LUM: variants seen among roughly 807,000 people sequenced by gnomAD.
LUM encodes KSPG lumican.
Under a neutral mutation model 20.5 loss-of-function variants are expected in LUM, and 13 were observed. That is an observed-to-expected ratio of 0.63 (90% CI 0.41 to 1.01). LUM has a LOEUF of 1.01. LUM is among the 50% of genes least tolerant of loss of function. The probability of loss-of-function intolerance (pLI) is 0.00; values close to 1 mark genes in which losing one functional copy is unlikely to be tolerated. For missense variants in LUM, 321 were observed against 391.1 expected (o/e 0.82, Z 1.51); for synonymous variants, 173 against 151.5 (o/e 1.14, Z -1.04).
intron 2 of LUM, 120 bp from the exon 3 acceptor site, chr12:91,104,439 A>G (rs1879986678): frequency 5.9e-6 from 4 of 675,368 alleles, no homozygotes; most frequent in Non-Finnish European, 9.6e-6. Context: ...AAAAGTCATA[A>G]TATAGTATAT....
chr12:91,107,297 G>GAAAGAA, intron 2 of LUM, among the ~76,000 whole-genome samples: 1 of 104,444 alleles, frequency 9.6e-6, no homozygotes, highest in South Asian at 3.3e-4. Flanking sequence ...GAGAAAGAAA[G>GAAAGAA]AAAGAAAGAA....
intron 1 of LUM, among the ~76,000 whole-genome samples, chr12:91,110,618 A>G (rs1880183977): frequency 6.6e-6 from 1 of 152,180 alleles, no homozygotes; most frequent in Non-Finnish European, 1.5e-5. Context: ...TTTTAAATTT[A>G]CTATACACCA....
At chr12:91,107,965 G>A (rs1036006957) in intron 2 of LUM, among the ~76,000 whole-genome samples, 153 bp downstream of exon 2, 2 of 151,826 alleles carry the variant, frequency 1.3e-5, no homozygotes, top group African/African-American at 4.8e-5. Flanking sequence ...CGCCCACTTC[G>A]GCCTCCCAAA....
At position 91,103,669 on chromosome 12, in the gene LUM, G is replaced by T. The variant is rs2121038744; in HGVS notation, c.*496C>A. ...TAGAAAAGTTTCACTAGGTAAGTAT[G>T]CAAATTCTTATTCTAAAAATACTTC... On this transcript the variant is annotated 3_prime_UTR_variant, in exon 3 of 3. Transcript: ENST00000266718. 6.6e-6 allele frequency: 1 copy of T among 152,400 alleles called. No homozygotes were observed. Among genetic ancestry groups the T allele is most frequent in the South Asian group, 2.1e-4 (1 of 4,840 alleles). The allele number at this position is 152,400 out of a possible 1,614,324, so 9.4% of individuals were successfully genotyped here.
chr12:91,111,027 CT>C (rs1436266109), intron 1 of LUM, among the ~76,000 whole-genome samples: 1 of 152,066 alleles, frequency 6.6e-6, no homozygotes, highest in Non-Finnish European at 1.5e-5. Flanking sequence ...ATTTTGAATG[CT>C]GATTAAAATG....
At chr12:91,110,886 C>T (rs1276642500) in intron 1 of LUM, among the ~76,000 whole-genome samples, 1 of 152,044 alleles carries the variant, frequency 6.6e-6, no homozygotes, top group Non-Finnish European at 1.5e-5. Flanking sequence ...ATCCAAGAAA[C>T]AAATTTTTTA....
rs17853500 is a variant in LUM, at chr12:91,108,473, A to G, written c.507T>C (p.Asn169=). The change falls in exon 2 of 3, where the codon AAT becomes AAC. Residue 169 remains asparagine, a synonymous_variant. Coordinates refer to ENST00000266718, the MANE Select transcript of LUM (RefSeq NM_002345.4). The surrounding 1 kb of genome is among the most constrained non-coding windows in gnomAD (Gnocchi z 4.2). ...CTGAAACAGCATCCTCTTTCAGCCG[A>G]TTGTGCTGGAGATGGATGAAGGTCA... ...VNLTFIHLQH[N]RLKEDAVSAA... 49,511 of 1,614,026 alleles carry G rather than the reference A, an allele frequency of 0.031. 2,123 individuals are homozygous for G. The highest frequency in any genetic ancestry group is 0.24 in the East Asian group (10,561 of 44,840).
chr12:91,106,888 G>T (rs1880045842), intron 2 of LUM, among the ~76,000 whole-genome samples: 1 of 151,792 alleles, frequency 6.6e-6, no homozygotes, highest in African/African-American at 2.4e-5. Flanking sequence ...GAGACTATAT[G>T]GGGCCAGGCA....
chr12:91,107,964 C>T (rs2121050960), intron 2 of LUM, among the ~76,000 whole-genome samples, 154 bp downstream of exon 2: 1 of 152,122 alleles, frequency 6.6e-6, no homozygotes, highest in South Asian at 2.1e-4. Flanking sequence ...CCGCCCACTT[C>T]GGCCTCCCAA....
intron 1 of LUM, among the ~76,000 whole-genome samples, chr12:91,109,673 C>T (rs1880160705): frequency 6.6e-6 from 1 of 152,112 alleles, no homozygotes. Context: ...TAGCTATTTA[C>T]TAAACAAAAT....
In LUM at chr12:91,108,520, A is replaced by G; in HGVS notation, c.460T>C (p.Ser154Pro). ...LTHNKITKLGSFEGLVNLTFI... is the reference protein window; with the variant it reads ...LTHNKITKLGPFEGLVNLTFI... ...GTCAGGTTTACCAATCCTTCAAAAG[A>G]GCCCAGCTTTGTGATCTTGTTATGA... The change falls in exon 2 of 3, where the codon TCT (serine) becomes CCT (proline). Residue 154 changes from serine (S) to proline (P), a missense_variant. By Grantham distance (74) the Ser-to-Pro change is moderately conservative. Coordinates refer to ENST00000266718, the MANE Select transcript of LUM (RefSeq NM_002345.4). The surrounding 1 kb of genome is among the most constrained non-coding windows in gnomAD (Gnocchi z 4.2). 6.2e-7 allele frequency: 1 copy of G among 1,612,650 alleles called. No individual in the cohort carries two copies. Among genetic ancestry groups the G allele is most frequent in the Non-Finnish European group, 8.5e-7 (1 of 1,178,884 alleles).
chr12:91,108,619 G>T lies in LUM; in HGVS notation c.361C>A (p.Leu121Met), dbSNP rs1322374441. 3.1e-6 allele frequency: 5 copies of T among 1,613,696 alleles called. No homozygotes were observed. Among genetic ancestry groups the T allele is most frequent in the Non-Finnish European group, 2.5e-6 (3 of 1,179,902 alleles). ...GTCAGGTTGTTGTGGTTTATATGCA[G>T]CTTCTTCAGTTGTTTCAATTTAGAG... Reference protein sequence around the residue: ...VFSKLKQLKKLHINHNNLTES... With the variant: ...VFSKLKQLKKMHINHNNLTES... Residue 121 changes from leucine (L) to methionine (M), a missense_variant, in exon 2 of 3, where the codon CTG becomes ATG. Coordinates refer to ENST00000266718, the MANE Select transcript of LUM (RefSeq NM_002345.4). The surrounding 1 kb of genome is among the most constrained non-coding windows in gnomAD (Gnocchi z 4.2).
At position 91,103,815 on chromosome 12, in the gene LUM, T is replaced by C. The variant is rs1458160484; in HGVS notation, c.*350A>G. ...ATTTGGTGCAAGAGAGTAACATCCA[T>C]ATGTATTTAATCCAAGCTTTGAGGA... On this transcript the variant is annotated 3_prime_UTR_variant, in exon 3 of 3. Transcript: ENST00000266718. The C allele has an allele frequency of 5.2e-6, 1 of 191,474 alleles. No homozygotes were observed. The highest frequency in any genetic ancestry group is 1.1e-5 in the Non-Finnish European group (1 of 92,654). 11.9% of individuals were successfully genotyped at this position (191,474 alleles called of 1,614,324 possible).
At position 91,103,010 on chromosome 12, in the gene LUM, A is replaced by G. The variant is rs2121037627; in HGVS notation, c.*1155T>C. 1 of 152,222 alleles carries G rather than the reference A, an allele frequency of 6.6e-6. No individual in the cohort carries two copies. The highest frequency in any genetic ancestry group is 1.5e-5 in the Non-Finnish European group (1 of 67,960). The allele number at this position is 152,222 out of a possible 1,614,324, so 9.4% of individuals were successfully genotyped here. A position where few individuals can be genotyped will look rare whatever the true frequency, so the allele number is the denominator to read the frequency against. ...ACATAGGTTTTATTGTTAACTAGGT[A>G]AAACAGAAGTTATTTTTATAAATTA... On this transcript the variant is annotated 3_prime_UTR_variant, in exon 3 of 3. Coordinates refer to ENST00000266718, the MANE Select transcript of LUM (RefSeq NM_002345.4).
In LUM at chr12:91,104,330, A is replaced by C; in HGVS notation, c.863-11T>G. 6.3e-7 allele frequency: 1 copy of C among 1,599,170 alleles called. No homozygotes were observed. The highest frequency in any genetic ancestry group is 8.6e-7 in the Non-Finnish European group (1 of 1,168,198). Reference sequence around the variant, plus strand: ...TCTTTATGTCAAACTCTAAAAATTAAAGAATAGAAAACATTAATCATTTTT... The same window carrying C: ...TCTTTATGTCAAACTCTAAAAATTACAGAATAGAAAACATTAATCATTTTT... On this transcript the variant is annotated splice_polypyrimidine_tract_variant and intron_variant, in intron 2 of 2. Coordinates refer to ENST00000266718, the MANE Select transcript of LUM (RefSeq NM_002345.4).
In LUM at chr12:91,103,325, T is replaced by C. The variant is rs1040443491; in HGVS notation, c.*840A>G. 1 of 152,066 alleles carries C rather than the reference T, an allele frequency of 6.6e-6. No homozygotes were observed. Among genetic ancestry groups the C allele is most frequent in the African/African-American group, 2.4e-5 (1 of 41,440 alleles). 9.4% of individuals were successfully genotyped at this position (152,066 alleles called of 1,614,324 possible). The stretch of plus-strand genomic sequence containing the variant: ...GTAAAAACACCAGGAATGGGAATAA[T>C]GACAAATATCTAAGTAAGTTGTGAA... On this transcript the variant is annotated 3_prime_UTR_variant, in exon 3 of 3. Coordinates refer to ENST00000266718, the MANE Select transcript of LUM (RefSeq NM_002345.4).
At chr12:91,109,355 C>T (rs879627235) in intron 1 of LUM, among the ~76,000 whole-genome samples, 3 of 152,052 alleles carry the variant, frequency 2.0e-5, no homozygotes, top group African/African-American at 7.2e-5. Context: ...TGCTTCAGAT[C>T]ATCTCTCAAA....
intron 2 of LUM, among the ~76,000 whole-genome samples, chr12:91,104,564 G>A (rs1174038214): frequency 1.3e-5 from 2 of 151,946 alleles, no homozygotes; most frequent in African/African-American, 4.8e-5. Flanking sequence ...TTAAATAACA[G>A]AACTTATTTT....
rs1169978945 is a variant in LUM at position 91,103,942 on chromosome 12, C to A, written c.*223G>T. 2 of 378,028 alleles carry A rather than the reference C, an allele frequency of 5.3e-6. No homozygotes were observed. The highest frequency in any genetic ancestry group is 2.1e-5 in the African/African-American group (1 of 47,336). 23.4% of individuals were successfully genotyped at this position (378,028 alleles called of 1,614,324 possible). On this transcript the variant is annotated 3_prime_UTR_variant, in exon 3 of 3. Transcript: ENST00000266718. ...TAGAAATAAAAAAACACTAAATTTACAAATAAAGCATTGAGTTTGATGTCT... is the reference window on the plus strand; with the variant it reads ...TAGAAATAAAAAAACACTAAATTTAAAAATAAAGCATTGAGTTTGATGTCT...
Sources: allele counts gnomAD v4.1 joint callset (sites outside exome capture counted in the v4.1 genomes callset), GRCh38; gene constraint gnomAD v4.1.1; non-coding constraint Gnocchi (gnomAD v3.1); transcripts MANE v1.5; gene names NCBI Gene and HGNC (gene_info 2026-07-23, HGNC 2026-07-21).